Variants in ACTR2 observed in about 807,000 individuals in gnomAD.
The protein encoded by ACTR2 is actin related protein 2.
ACTR2 carries 5 observed loss-of-function variants against 50.2 expected under a neutral mutation model. The ratio of observed to expected loss-of-function variants is 0.10; its 90% CI spans 0.05 to 0.21. The LOEUF is 0.21. Ranked by LOEUF, ACTR2 falls within the 10% of genes least tolerant of loss-of-function variation. ACTR2 has a pLI of 1.00. For missense variants in ACTR2, 180 were observed against 480.6 expected, an observed-to-expected ratio of 0.37 and a Z score of 5.85; for synonymous variants, 140 against 162.9, an observed-to-expected ratio of 0.86 and a Z score of 1.07.
chr2:65,246,500 T>C, intron 2 of ACTR2, 24 bp from the exon 3 acceptor site: 1 of 1,523,720 alleles, frequency 6.6e-7, no homozygotes, highest in Non-Finnish European at 8.9e-7. Flanking sequence ...AACTTTGATC[T>C]ACAGCTTTGA....
chr2:65,264,596 A>C (rs1355634573), intron 7 of ACTR2, among the ~76,000 whole-genome samples: 2 of 152,232 alleles, frequency 1.3e-5, no homozygotes, highest in African/African-American at 4.8e-5. Flanking sequence ...AGCCAAAAAT[A>C]ACAGCAGACA....
At chr2:65,244,908 C>T (rs1044495182) in intron 2 of ACTR2, among the ~76,000 whole-genome samples, 4 of 145,036 alleles carry the variant, frequency 2.8e-5, no homozygotes, top group Non-Finnish European at 4.5e-5. Flanking sequence ...CACCACTGCA[C>T]TCCAGCTTGG....
intron 6 of ACTR2, among the ~76,000 whole-genome samples, chr2:65,260,658 CT>C (rs1672250459): frequency 6.6e-6 from 1 of 151,810 alleles, no homozygotes; most frequent in Non-Finnish European, 1.5e-5. Flanking sequence ...TTCTGCTTTG[CT>C]GCAAACATCA....
intron 3 of ACTR2, among the ~76,000 whole-genome samples, 154 bp downstream of exon 3, chr2:65,246,893 G>A (rs1671947911): frequency 6.6e-6 from 1 of 152,024 alleles, no homozygotes; most frequent in Non-Finnish European, 1.5e-5. Flanking sequence ...ATTATTCTAA[G>A]TAGGAAAGTA....
At chr2:65,257,871 A>AT (rs1182357430) in intron 6 of ACTR2, among the ~76,000 whole-genome samples, 2 of 151,992 alleles carry the variant, frequency 1.3e-5, no homozygotes, top group Non-Finnish European at 2.9e-5. Context: ...GATTGCAAAA[A>AT]TTTTTTCCCA....
chr2:65,246,767 G>A, intron 3 of ACTR2, 28 bp downstream of exon 3: 3 of 1,390,870 alleles, frequency 2.2e-6, no homozygotes, highest in South Asian at 1.3e-5. Context: ...ATATGCATAT[G>A]TGTATTTCTG....
chr2:65,241,194 A>G (rs1671835410), intron 2 of ACTR2, among the ~76,000 whole-genome samples: 1 of 152,126 alleles, frequency 6.6e-6, no homozygotes, highest in African/African-American at 2.4e-5. Flanking sequence ...TTGACTGGAA[A>G]TTAGCTAATA....
At chr2:65,245,291 G>A (rs561742914) in intron 2 of ACTR2, among the ~76,000 whole-genome samples, 44 of 151,970 alleles carry the variant, frequency 2.9e-4, no homozygotes, top group Non-Finnish European at 5.7e-4. Flanking sequence ...AGGCCGAGAT[G>A]GGTGAATTAC....
rs576328621 is a variant in ACTR2, at chr2:65,236,667, G to A, written c.49-3185G>A. Among the ~76,000 whole-genome samples, 15 of 151,878 alleles carry A rather than the reference G, an allele frequency of 9.9e-5. No individual in the cohort carries two copies. In the East Asian group the frequency reaches 1.9e-3, roughly 20 times the overall value. On this transcript the variant is annotated intron_variant, in intron 1 of 8. Coordinates refer to ENST00000260641, the MANE Select transcript of ACTR2 (RefSeq NM_005722.4). ...GTGATCTCAGCTCACTGCAACCTCC[G>A]CCTCCCAGGTTCAAGTGATTCTCAT...
intron 6 of ACTR2, among the ~76,000 whole-genome samples, chr2:65,258,820 C>T (rs1672203641): frequency 6.6e-6 from 1 of 152,102 alleles, no homozygotes; most frequent in African/African-American, 2.4e-5. Context: ...TGGAGAGAAG[C>T]CACACTATCA....
intron 7 of ACTR2, among the ~76,000 whole-genome samples, chr2:65,263,811 C>T (rs539536995): frequency 0.025 from 1,852 of 73,350 alleles, 49 homozygotes; most frequent in African/African-American, 0.08. Flanking sequence ...AGGCTGAGGC[C>T]GGTGAATCAC....
At position 65,251,101 on chromosome 2, in the gene ACTR2, T is replaced by C; in HGVS notation, c.448+2T>C. ...CAGTTCTGACTTTGTACGCTCAAGG[T>C]AGGTTAAGCTTAACTGTTAGAAAAA... On this transcript the variant is annotated splice_donor_variant, in intron 4 of 8. Coordinates refer to ENST00000260641, the MANE Select transcript of ACTR2 (RefSeq NM_005722.4). LOFTEE classifies it high-confidence loss of function. The C allele has an allele frequency of 6.3e-7, 1 of 1,593,478 alleles. No individual in the cohort carries two copies. Among genetic ancestry groups the C allele is most frequent in the Non-Finnish European group, 8.6e-7 (1 of 1,169,346 alleles).
chr2:65,245,476 T>A (rs750998825), intron 2 of ACTR2, among the ~76,000 whole-genome samples: 1 of 152,190 alleles, frequency 6.6e-6, no homozygotes, highest in African/African-American at 2.4e-5. Context: ...GCTGAGATCA[T>A]GCCACTGCGC....
chr2:65,265,958 A>G (rs1236428616), intron 8 of ACTR2, among the ~76,000 whole-genome samples: 1 of 152,206 alleles, frequency 6.6e-6, no homozygotes, highest in Non-Finnish European at 1.5e-5. Context: ...TAAATTGAGT[A>G]TGGGCTCACA....
At chr2:65,258,154 C>G (rs1205035803) in intron 6 of ACTR2, among the ~76,000 whole-genome samples, 3 of 152,152 alleles carry the variant, frequency 2.0e-5, no homozygotes, top group African/African-American at 7.2e-5. Context: ...GTCTGATTTT[C>G]CATCTACCTG....
At chr2:65,252,068 A>G (rs1006722054) in intron 4 of ACTR2, among the ~76,000 whole-genome samples, 2 of 151,852 alleles carry the variant, frequency 1.3e-5, no homozygotes, top group East Asian at 1.9e-4. Flanking sequence ...AAATGGGTCA[A>G]GTGTGTTTGG....
At chr2:65,256,657 A>T (rs1245984268) in intron 6 of ACTR2, among the ~76,000 whole-genome samples, 1 of 152,184 alleles carries the variant, frequency 6.6e-6, no homozygotes, top group Non-Finnish European at 1.5e-5. Context: ...GGATCACCTG[A>T]AGTCAGGAGT....
chr2:65,245,282 G>A lies in ACTR2; in HGVS notation c.160-1242G>A, dbSNP rs543375855. On this transcript the variant is annotated intron_variant, in intron 2 of 8. Transcript: ENST00000260641. ...TGCCTGTAATCCCAACACTTTGGGA[G>A]GCCGAGATGGGTGAATTACTTGAGG... Among the ~76,000 whole-genome samples the A allele has an allele frequency of 5.3e-5, 8 of 152,152 alleles. No individual in the cohort carries two copies. In the East Asian group the frequency reaches 7.7e-4, roughly 15 times the overall value.
rs70943640 is a variant in ACTR2, at chr2:65,267,862, C to CTTTTTTTTTTTT, written c.1015-685_1015-674dup. 3.2e-3 allele frequency among the ~76,000 whole-genome samples: 153 copies of CTTTTTTTTTTTT among 47,408 alleles called. 24 individuals carry two copies. The highest frequency in any genetic ancestry group is 5.9e-3 in the South Asian group (5 of 850). The allele number at this position is 47,408 out of a possible 152,430, so 31.1% of individuals were successfully genotyped here. On this transcript the variant is annotated intron_variant, in intron 8 of 8. Coordinates refer to ENST00000260641, the MANE Select transcript of ACTR2 (RefSeq NM_005722.4). Reference sequence around the variant, plus strand: ...ACCTTGAAGAAGTCATGCAAGTCCTCTTTTTTTTTTTTTTTTTTTTTTTTT... The same window carrying CTTTTTTTTTTTT: ...ACCTTGAAGAAGTCATGCAAGTCCTCTTTTTTTTTTTTTTTTTTTTTTTTTTTTTTTTTTTTT...
Sources: allele counts gnomAD v4.1 joint callset (sites outside exome capture counted in the v4.1 genomes callset), GRCh38; gene constraint gnomAD v4.1.1; transcripts MANE v1.5; gene names NCBI Gene and HGNC (gene_info 2026-07-23, HGNC 2026-07-21).